Variants in MATN2 observed in about 807,000 individuals in gnomAD.
MATN2 encodes matrilin 2.
Under a neutral mutation model 103.2 loss-of-function variants are expected in MATN2, and 69 were observed. That is an observed-to-expected ratio of 0.67 (90% CI 0.55 to 0.82). The LOEUF (loss-of-function observed/expected upper bound fraction) is 0.82. Among genes scored for constraint, MATN2 ranks in the 40% least tolerant of loss-of-function variants. The pLI is 0.00. For synonymous variants in MATN2, 429 were observed against 450.2 expected (o/e 0.95, Z 0.60); for missense variants, 1,023 against 1,211.5 (o/e 0.84, Z 2.31).
In MATN2 at chr8:97,898,896, G is replaced by A. The variant is rs375940737; in HGVS notation, c.142+10654G>A. ...CCCAAGTAGCTGGGATTACAAGCAC[G>A]CACCACCATATCCAGCAATTTTTTT... On this transcript the variant is annotated intron_variant, in intron 2 of 18. Coordinates refer to ENST00000254898, the MANE Select transcript of MATN2 (RefSeq NM_002380.5). Among the ~76,000 whole-genome samples the A allele has an allele frequency of 1.9e-4, 29 of 149,886 alleles. No homozygotes were observed. In the East Asian group the frequency reaches 3.7e-3, roughly 19 times the overall value.
At chr8:97,954,246 T>G (rs1359479557) in intron 4 of MATN2, among the ~76,000 whole-genome samples, 1 of 152,216 alleles carries the variant, frequency 6.6e-6, no homozygotes, top group East Asian at 1.9e-4. Flanking sequence ...ATTTTTCATG[T>G]CACCTCTTTC....
chr8:97,928,196 A>G (rs1473744835), intron 2 of MATN2, among the ~76,000 whole-genome samples: 1 of 149,760 alleles, frequency 6.7e-6, no homozygotes, highest in East Asian at 2.0e-4. Context: ...AGCCTTCATG[A>G]AAATTAGAAA....
chr8:98,021,469 A>G, intron 13 of MATN2, 142 bp downstream of exon 13: 1 of 920,602 alleles, frequency 1.1e-6, no homozygotes. Context: ...TGGGGAAGAG[A>G]GGGCTTAACT....
rs529764169 is a variant in MATN2, at chr8:98,035,400, A to G, written c.2816-257A>G. On this transcript the variant is annotated intron_variant, in intron 18 of 18. Transcript: ENST00000254898. Reference sequence around the variant, plus strand: ...ACAAAAATAAATAAAATTAAAATTAAAAAGACAAATTCACACTGAGCCATC... The same window carrying G: ...ACAAAAATAAATAAAATTAAAATTAGAAAGACAAATTCACACTGAGCCATC... 2.6e-4 allele frequency among the ~76,000 whole-genome samples: 40 copies of G among 151,960 alleles called. No individual in the cohort carries two copies. In the South Asian group the frequency reaches 4.8e-3, roughly 18 times the overall value.
intron 7 of MATN2, among the ~76,000 whole-genome samples, chr8:97,996,285 G>C (rs1234786973): frequency 6.6e-6 from 1 of 152,210 alleles, no homozygotes; most frequent in Admixed American, 6.5e-5. Flanking sequence ...CCTTCCTGGA[G>C]AGGCACTTGG....
chr8:97,971,840 G>A (rs1811662174), intron 5 of MATN2, among the ~76,000 whole-genome samples: 1 of 151,706 alleles, frequency 6.6e-6, no homozygotes, highest in Non-Finnish European at 1.5e-5. Flanking sequence ...TTCATGTTTT[G>A]TAAAAAATAT....
chr8:97,893,466 C>T (rs979373831), intron 2 of MATN2, among the ~76,000 whole-genome samples: 1 of 152,200 alleles, frequency 6.6e-6, no homozygotes, highest in Non-Finnish European at 1.5e-5. Context: ...ACCCCACTTT[C>T]CTATGAGGAG....
chr8:97,994,871 C>T (rs1242878752), intron 7 of MATN2, among the ~76,000 whole-genome samples: 1 of 152,162 alleles, frequency 6.6e-6, no homozygotes, highest in Non-Finnish European at 1.5e-5. Flanking sequence ...TGCAGTCTCC[C>T]TCCCCCTTAT....
chr8:97,872,900 T>G (rs1817945365), intron 1 of MATN2, among the ~76,000 whole-genome samples: 1 of 152,052 alleles, frequency 6.6e-6, no homozygotes, highest in Non-Finnish European at 1.5e-5. Flanking sequence ...GTTCAAGTGT[T>G]CTCCTGCTTC....
chr8:98,006,951 AG>A (rs1237972939), intron 8 of MATN2, among the ~76,000 whole-genome samples, 153 bp from the exon 9 acceptor site: 2 of 152,182 alleles, frequency 1.3e-5, no homozygotes, highest in Non-Finnish European at 2.9e-5. Context: ...AAAACCAACA[AG>A]CCAGGCTGAT....
intron 10 of MATN2, among the ~76,000 whole-genome samples, chr8:98,011,132 G>T (rs1193935463): frequency 6.6e-6 from 1 of 152,210 alleles, no homozygotes; most frequent in Non-Finnish European, 1.5e-5. Flanking sequence ...TGCATGGGTT[G>T]TAGGGGGTGA....
At chr8:97,921,751 C>G (rs2512068) in intron 2 of MATN2, among the ~76,000 whole-genome samples, 49,972 of 152,068 alleles carry the variant, frequency 0.33, 9,016 homozygotes, top group Admixed American at 0.39. Context: ...TGGGATCCCA[C>G]TGCTGTGTCG....
chr8:98,032,121 A>G, intron 15 of MATN2, 125 bp from the exon 16 acceptor site: 1 of 706,022 alleles, frequency 1.4e-6, no homozygotes, highest in Admixed American at 2.9e-5. Context: ...GGTGTTACCA[A>G]ACAAAACTAA....
chr8:98,015,119 G>A (rs1049636679), intron 10 of MATN2, among the ~76,000 whole-genome samples: 1 of 152,094 alleles, frequency 6.6e-6, no homozygotes, highest in African/African-American at 2.4e-5. Context: ...CCAGCAACCT[G>A]GGAGTCTTCC....
chr8:98,032,213 C>T (rs770852684), intron 15 of MATN2, 33 bp from the exon 16 acceptor site: 3 of 1,566,938 alleles, frequency 1.9e-6, no homozygotes, highest in Non-Finnish European at 2.6e-6. Context: ...TGTGGACAAC[C>T]ATCACTTCTT....
At chr8:97,933,936 G>T (rs542448476) in intron 3 of MATN2, among the ~76,000 whole-genome samples, 85 of 152,244 alleles carry the variant, frequency 5.6e-4, no homozygotes, top group Middle Eastern at 3.4e-3. Flanking sequence ...AAAGCCCCAG[G>T]AGGCAGGCAG....
At chr8:97,978,835 C>T (rs1811923862) in intron 5 of MATN2, 51 bp from the exon 6 acceptor site, 2 of 1,594,766 alleles carry the variant, frequency 1.3e-6, no homozygotes, top group African/African-American at 1.3e-5. Context: ...CCTACCATTC[C>T]CTTTTCCTCT....
chr8:97,925,451 G>A (rs1318722233), intron 2 of MATN2, among the ~76,000 whole-genome samples: 1 of 151,660 alleles, frequency 6.6e-6, no homozygotes, highest in Admixed American at 6.6e-5. Flanking sequence ...TAGACTCACT[G>A]TCCTCATCTA....
chr8:98,016,033 T>C (rs1303909282), intron 10 of MATN2, among the ~76,000 whole-genome samples: 1 of 152,234 alleles, frequency 6.6e-6, no homozygotes, highest in Non-Finnish European at 1.5e-5. Context: ...TATCTCTCAT[T>C]CTGTAACTTG....
Sources: allele counts gnomAD v4.1 joint callset (sites outside exome capture counted in the v4.1 genomes callset), GRCh38; gene constraint gnomAD v4.1.1; transcripts MANE v1.5; gene names NCBI Gene and HGNC (gene_info 2026-07-23, HGNC 2026-07-21).